The following GABPA variants were observed in gnomAD, a reference collection of about 807,000 sequenced individuals.
GABPA encodes GA-binding protein alpha chain.
GABPA carries 4 observed loss-of-function variants against 59.4 expected under a neutral mutation model. That is an observed-to-expected ratio of 0.07 (90% CI 0.03 to 0.15). The LOEUF (loss-of-function observed/expected upper bound fraction) is 0.15, where lower values mean the gene tolerates loss of function less well. GABPA is among the 10% of genes least tolerant of loss of function. The probability of loss-of-function intolerance (pLI) is 1.00; values close to 1 mark genes in which losing one functional copy is unlikely to be tolerated. For missense variants in GABPA, 251 were observed against 543.8 expected, an observed-to-expected ratio of 0.46 and a Z score of 5.36; for synonymous variants, 164 against 183.1, an observed-to-expected ratio of 0.90 and a Z score of 0.84.
intron 4 of GABPA, 73 bp downstream of exon 4, chr21:25,749,193 GT>G (rs2035444887): frequency 2.2e-6 from 2 of 899,332 alleles, no homozygotes; most frequent in Non-Finnish European, 3.5e-6. Flanking sequence ...AAGTTTTTAG[GT>G]GTTTTCGATG....
intron 9 of GABPA, among the ~76,000 whole-genome samples, chr21:25,765,928 G>T (rs986893385): frequency 6.6e-6 from 1 of 151,938 alleles, no homozygotes; most frequent in Non-Finnish European, 1.5e-5. Context: ...TAGAACTTGA[G>T]AAGATAATTG....
Position 25,737,121 on chromosome 21 carries a change from G to C in GABPA, c.-27+1543G>C, listed in dbSNP as rs71649655. Among the ~76,000 whole-genome samples, 180 of 152,308 alleles carry C rather than the reference G, an allele frequency of 1.2e-3. 1 individual carries two copies. Among genetic ancestry groups the C allele is most frequent in the African/African-American group, 4.2e-3 (176 of 41,576 alleles). On this transcript the variant is annotated intron_variant, in intron 1 of 9. Coordinates refer to ENST00000400075, the MANE Select transcript of GABPA (RefSeq NM_002040.4). Reference sequence around the variant, plus strand: ...GAATTTTTCGTTAAATTCAAGTTTAGTTTGTATCCCATCTTGTGAAACATT... The same window carrying C: ...GAATTTTTCGTTAAATTCAAGTTTACTTTGTATCCCATCTTGTGAAACATT...
chr21:25,745,876 C>T (rs1055413536), intron 3 of GABPA, among the ~76,000 whole-genome samples: 4 of 151,988 alleles, frequency 2.6e-5, no homozygotes, highest in East Asian at 3.9e-4. Context: ...AAACATATCC[C>T]GAGTCATATT....
At chr21:25,739,034 C>A (rs921810420) in intron 1 of GABPA, among the ~76,000 whole-genome samples, 2 of 152,180 alleles carry the variant, frequency 1.3e-5, no homozygotes, top group Non-Finnish European at 1.5e-5. Context: ...TCTGCGCAGT[C>A]GGCTAGATGT....
chr21:25,743,801 C>G (rs1444615835), intron 2 of GABPA, among the ~76,000 whole-genome samples: 4 of 151,634 alleles, frequency 2.6e-5, no homozygotes, highest in African/African-American at 7.3e-5. Context: ...GCTTGTAATC[C>G]CAGCACTTTG....
chr21:25,757,594 T>C (rs1601138146), intron 5 of GABPA, among the ~76,000 whole-genome samples: 1 of 152,192 alleles, frequency 6.6e-6, no homozygotes, highest in East Asian at 1.9e-4. Context: ...GGTTCATAGT[T>C]TGGAGAATAA....
At position 25,760,389 on chromosome 21, in the gene GABPA, T is replaced by C. The variant is rs147577586; in HGVS notation, c.749-1923T>C. On this transcript the variant is annotated intron_variant, in intron 6 of 9. Coordinates refer to ENST00000400075, the MANE Select transcript of GABPA (RefSeq NM_002040.4). ...AGGCACTGATTCTGGGACAGAACTGTTAATAACCCAGCCTCTATTATCCAT... is the reference window on the plus strand; with the variant it reads ...AGGCACTGATTCTGGGACAGAACTGCTAATAACCCAGCCTCTATTATCCAT... 9.5e-4 allele frequency among the ~76,000 whole-genome samples: 144 copies of C among 152,288 alleles called. 1 individual carries two copies. In the Middle Eastern group the frequency reaches 0.014, roughly 14 times the overall value.
intron 6 of GABPA, among the ~76,000 whole-genome samples, chr21:25,759,794 G>A (rs1244150852): frequency 6.6e-6 from 1 of 152,104 alleles, no homozygotes; most frequent in Non-Finnish European, 1.5e-5. Flanking sequence ...AAACATGTGA[G>A]TCATGTTTAT....
rs747482056 is a variant in GABPA at position 25,764,248 on chromosome 21, C to T, written c.841C>T (p.Pro281Ser). 6.2e-7 allele frequency: 1 copy of T among 1,611,162 alleles called. No homozygotes were observed. Among genetic ancestry groups the T allele is most frequent in the Non-Finnish European group, 8.5e-7 (1 of 1,178,834 alleles). Reference sequence around the variant, plus strand: ...TCCAGCATCAGTGCAATCTGCTACACCTACTACCATTAAAGTTATAAATAG... The same window carrying T: ...TCCAGCATCAGTGCAATCTGCTACATCTACTACCATTAAAGTTATAAATAG... ...IIPASVQSAT[P>S]TTIKVINSSA... Residue 281 changes from proline (P) to serine (S), a missense_variant, in exon 8 of 10, where the codon CCT becomes TCT. By Grantham distance (74) the Pro-to-Ser change is moderately conservative. Around this residue, in one of 4 missense-constraint regions of GABPA, gnomAD observed 207 missense variants for 366.7 expected, o/e 0.56. Coordinates refer to ENST00000400075, the MANE Select transcript of GABPA (RefSeq NM_002040.4).
At chr21:25,760,190 G>A (rs1041200950) in intron 6 of GABPA, among the ~76,000 whole-genome samples, 1 of 152,146 alleles carries the variant, frequency 6.6e-6, no homozygotes, top group Non-Finnish European at 1.5e-5. Flanking sequence ...CATCTGCTTT[G>A]GAAATCTAGT....
chr21:25,737,850 AAC>A (rs2035120760), intron 1 of GABPA, among the ~76,000 whole-genome samples: 1 of 152,158 alleles, frequency 6.6e-6, no homozygotes, highest in Admixed American at 6.5e-5. Context: ...TTCTGTAGAC[AAC>A]AGTTTTTTAT....
chr21:25,754,773 C>A (rs1427547344), intron 5 of GABPA, among the ~76,000 whole-genome samples: 1 of 152,112 alleles, frequency 6.6e-6, no homozygotes, highest in Non-Finnish European at 1.5e-5. Context: ...CACTTTAGGC[C>A]AGGCACAGTG....
intron 5 of GABPA, among the ~76,000 whole-genome samples, chr21:25,756,380 C>T (rs1246489782): frequency 1.3e-5 from 2 of 152,038 alleles, no homozygotes; most frequent in Admixed American, 1.3e-4. Flanking sequence ...TTTCCTTTTC[C>T]TTGGCGTCCC....
chr21:25,752,439 C>A, intron 5 of GABPA: 1 of 571,966 alleles, frequency 1.7e-6, no homozygotes, highest in Non-Finnish European at 3.0e-6. Context: ...ACAAAGAAGT[C>A]TAAAAAATTT....
chr21:25,749,763 G>A (rs2035460739), intron 4 of GABPA, among the ~76,000 whole-genome samples: 1 of 152,208 alleles, frequency 6.6e-6, no homozygotes, highest in South Asian at 2.1e-4. Flanking sequence ...CCCAGGAAGT[G>A]GAGGTTGCAG....
intron 9 of GABPA, among the ~76,000 whole-genome samples, chr21:25,766,515 A>T (rs907610728): frequency 1.5e-4 from 23 of 151,902 alleles, no homozygotes; most frequent in African/African-American, 5.6e-4. Context: ...TTACAAATCA[A>T]TTTTTTAATG....
chr21:25,759,276 C>T (rs1249960360), intron 6 of GABPA, among the ~76,000 whole-genome samples: 2 of 152,174 alleles, frequency 1.3e-5, no homozygotes, highest in Non-Finnish European at 2.9e-5. Flanking sequence ...CTACAACATA[C>T]TCTGACTTTG....
At chr21:25,752,427 A>G in intron 5 of GABPA, 193 bp downstream of exon 5, 1 of 620,596 alleles carries the variant, frequency 1.6e-6, no homozygotes. Context: ...CGTGCAGGAA[A>G]TACAAAGAAG....
At chr21:25,754,015 T>C (rs1314144209) in intron 5 of GABPA, among the ~76,000 whole-genome samples, 1 of 152,164 alleles carries the variant, frequency 6.6e-6, no homozygotes, top group Non-Finnish European at 1.5e-5. Flanking sequence ...ACAGCTAATG[T>C]AGAATTTCAG....
Sources: allele counts gnomAD v4.1 joint callset (sites outside exome capture counted in the v4.1 genomes callset), GRCh38; gene constraint gnomAD v4.1.1; regional missense constraint gnomAD v4.1.1; transcripts MANE v1.5; gene names NCBI Gene and HGNC (gene_info 2026-07-23, HGNC 2026-07-21).